ANO6: variants seen among roughly 807,000 people sequenced by gnomAD.
The protein encoded by ANO6 is anoctamin-6.
A neutral mutation model predicts 117.5 loss-of-function variants in ANO6; 106 were observed. The ratio of observed to expected loss-of-function variants is 0.90; its 90% CI spans 0.77 to 1.06. The LOEUF (loss-of-function observed/expected upper bound fraction) is 1.06, where lower values mean the gene tolerates loss of function less well. Among genes scored for constraint, ANO6 ranks in the 50% least tolerant of loss-of-function variants. ANO6 has a pLI of 0.00. For missense variants in ANO6, 955 were observed against 1,121.1 expected, an observed-to-expected ratio of 0.85 and a Z score of 2.12; for synonymous variants, 367 against 385.1, an observed-to-expected ratio of 0.95 and a Z score of 0.55.
At chr12:45,420,944 G>A in intron 17 of ANO6, 127 bp from the exon 18 acceptor site, 1 of 1,010,090 alleles carries the variant, frequency 9.9e-7, no homozygotes, top group Non-Finnish European at 1.5e-6. Flanking sequence ...AGAATTTTTT[G>A]AACCCAAGAG....
At chr12:45,235,400 A>G (rs1947630111) in intron 1 of ANO6, among the ~76,000 whole-genome samples, 1 of 152,206 alleles carries the variant, frequency 6.6e-6, no homozygotes, top group Non-Finnish European at 1.5e-5. Flanking sequence ...GTTTCCTGCA[A>G]TAAGAGATGG....
chr12:45,284,919 AG>A (rs1408622143), intron 1 of ANO6, among the ~76,000 whole-genome samples: 1 of 152,200 alleles, frequency 6.6e-6, no homozygotes, highest in Non-Finnish European at 1.5e-5. Context: ...CTCCCTAGGG[AG>A]GGGCAATCTG....
chr12:45,407,308 A>C (rs1942960188), intron 15 of ANO6, among the ~76,000 whole-genome samples: 1 of 152,198 alleles, frequency 6.6e-6, no homozygotes. Flanking sequence ...TTTAGAGCCC[A>C]GACAGAAAAA....
At chr12:45,273,861 G>T (rs997858383) in intron 1 of ANO6, among the ~76,000 whole-genome samples, 3 of 152,098 alleles carry the variant, frequency 2.0e-5, no homozygotes, top group Non-Finnish European at 4.4e-5. Context: ...TTACTAAGTG[G>T]TCTGAATACA....
chr12:45,243,670 C>T (rs1947780052), intron 1 of ANO6, among the ~76,000 whole-genome samples: 1 of 151,774 alleles, frequency 6.6e-6, no homozygotes, highest in Non-Finnish European at 1.5e-5. Flanking sequence ...CTGCCTCAGC[C>T]TCCCAAGTAG....
At chr12:45,394,027 C>T (rs147419947) in intron 12 of ANO6, among the ~76,000 whole-genome samples, 2,033 of 152,092 alleles carry the variant, frequency 0.013, 39 homozygotes, top group African/African-American at 0.047. Context: ...GGCTAAATGC[C>T]CCAATTAAAA....
intron 1 of ANO6, among the ~76,000 whole-genome samples, chr12:45,276,243 C>G (rs1313804885): frequency 6.6e-6 from 1 of 152,220 alleles, no homozygotes; most frequent in Non-Finnish European, 1.5e-5. Context: ...CTACTATCAT[C>G]TTAGGCCAGC....
intron 8 of ANO6, among the ~76,000 whole-genome samples, chr12:45,358,207 T>A (rs903558621): frequency 6.6e-6 from 1 of 152,206 alleles, no homozygotes; most frequent in African/African-American, 2.4e-5. Context: ...GATAACCAAA[T>A]TTTTCAAGCC....
chr12:45,406,678 T>C (rs1942943463), intron 15 of ANO6, among the ~76,000 whole-genome samples: 2 of 152,190 alleles, frequency 1.3e-5, no homozygotes, highest in East Asian at 3.9e-4. Flanking sequence ...GCAATCAGAG[T>C]CCTAAATATA....
chr12:45,299,378 GCT>G (rs1939405292), intron 1 of ANO6, among the ~76,000 whole-genome samples: 1 of 152,172 alleles, frequency 6.6e-6, no homozygotes, highest in Admixed American at 6.5e-5. Flanking sequence ...TCAAGCCTTT[GCT>G]CATCTCATCT....
At chr12:45,382,602 T>C (rs1593043788) in intron 10 of ANO6, among the ~76,000 whole-genome samples, 1 of 152,210 alleles carries the variant, frequency 6.6e-6, no homozygotes, top group East Asian at 1.9e-4. Flanking sequence ...TCTTGCTAGG[T>C]ACAGGACTAC....
chr12:45,287,193 G>A (rs1190127931), intron 1 of ANO6, among the ~76,000 whole-genome samples: 1 of 152,158 alleles, frequency 6.6e-6, no homozygotes, highest in South Asian at 2.1e-4. Context: ...GAATTTCAGG[G>A]ACAACCTCTC....
In ANO6 at chr12:45,430,021, G is replaced by A. The variant is rs139011821; in HGVS notation, c.*710G>A. The A allele has an allele frequency of 1.2e-4, 118 of 985,316 alleles. No homozygotes were observed. Among genetic ancestry groups the A allele is most frequent in the Middle Eastern group, 5.2e-4 (1 of 1,936 alleles). The allele number at this position is 985,316 out of a possible 1,614,324, so 61.0% of individuals were successfully genotyped here. ...TCCAGGAGCACTCCTAGGAGGTTCC[G>A]TGCCTAATCAATGTTGACTGCTTTG... On this transcript the variant is annotated 3_prime_UTR_variant, in exon 20 of 20. Coordinates refer to ENST00000320560, the MANE Select transcript of ANO6 (RefSeq NM_001025356.3).
chr12:45,241,245 G>GT (rs1947738576), intron 1 of ANO6, among the ~76,000 whole-genome samples: 2 of 152,160 alleles, frequency 1.3e-5, no homozygotes, highest in South Asian at 4.2e-4. Context: ...GGCTTTGTTC[G>GT]TTTCTTTTTC....
In ANO6 at chr12:45,383,255, C is replaced by G. The variant is rs1046571408; in HGVS notation, c.1166-4906C>G. The G allele has an allele frequency of 3.6e-5, 6 of 165,148 alleles. No individual in the cohort carries two copies. The East Asian group carries it at 1.0e-3, about 29-fold the overall frequency. 10.2% of individuals were successfully genotyped at this position (165,148 alleles called of 1,614,324 possible). On this transcript the variant is annotated intron_variant, in intron 10 of 19. Coordinates refer to ENST00000320560, the MANE Select transcript of ANO6 (RefSeq NM_001025356.3). ...GATCATGAGACTACAGCAGTTCAGT[C>G]ACATCTTCAGACTCCATTTCTAGTT...
intron 19 of ANO6, among the ~76,000 whole-genome samples, chr12:45,439,298 G>T (rs960673199): frequency 6.6e-6 from 1 of 152,126 alleles, no homozygotes; most frequent in Non-Finnish European, 1.5e-5. Context: ...AACGCAAAAG[G>T]CCATTGAAAT....
At chr12:45,337,730 A>C (rs548200735) in intron 3 of ANO6, among the ~76,000 whole-genome samples, 9 of 152,062 alleles carry the variant, frequency 5.9e-5, no homozygotes, top group Non-Finnish European at 1.3e-4. Context: ...ACTATTGTAC[A>C]GCTGACTCTA....
chr12:45,318,381 A>G (rs1295036480), intron 2 of ANO6, among the ~76,000 whole-genome samples: 1 of 152,202 alleles, frequency 6.6e-6, no homozygotes, highest in Non-Finnish European at 1.5e-5. Context: ...TAAATAGGGA[A>G]TCCTTTCCCC....
At chr12:45,321,801 A>G (rs1940282413) in intron 2 of ANO6, among the ~76,000 whole-genome samples, 1 of 152,184 alleles carries the variant, frequency 6.6e-6, no homozygotes, top group Non-Finnish European at 1.5e-5. Context: ...CCTTGAGACA[A>G]TCATCATACT....
Sources: allele counts gnomAD v4.1 joint callset (sites outside exome capture counted in the v4.1 genomes callset), GRCh38; gene constraint gnomAD v4.1.1; transcripts MANE v1.5; gene names NCBI Gene and HGNC (gene_info 2026-07-23, HGNC 2026-07-21).